The following GRB14 variants were observed in gnomAD, a reference collection of about 807,000 sequenced individuals.
GRB14 encodes the protein growth factor receptor-bound protein 14.
GRB14 carries 38 observed loss-of-function variants against 69.1 expected under a neutral mutation model. That is an observed-to-expected ratio of 0.55 (90% CI 0.42 to 0.72). GRB14 has a LOEUF of 0.72. Among genes scored for constraint, GRB14 ranks in the 30% least tolerant of loss-of-function variants. GRB14 has a pLI of 0.00. For synonymous variants in GRB14, 247 were observed against 241.3 expected (o/e 1.02, Z -0.22); for missense variants, 666 against 666.1 (o/e 1.00, Z 0.00).
At chr2:164,522,746 C>G (rs1018534274) in intron 5 of GRB14, among the ~76,000 whole-genome samples, 2 of 152,016 alleles carry the variant, frequency 1.3e-5, no homozygotes, top group Non-Finnish European at 2.9e-5. Context: ...CCAAAGAGGA[C>G]AGCAACAATG....
At chr2:164,508,354 G>A in intron 8 of GRB14, 101 bp downstream of exon 8, 1 of 841,552 alleles carries the variant, frequency 1.2e-6, no homozygotes, top group Non-Finnish European at 1.9e-6. Context: ...TCTTTCTCAT[G>A]TAGCCACCCA....
intron 2 of GRB14, among the ~76,000 whole-genome samples, chr2:164,594,847 A>C (rs1689746764): frequency 1.3e-5 from 2 of 152,242 alleles, no homozygotes; most frequent in African/African-American, 4.8e-5. Flanking sequence ...CATTTCAAGA[A>C]GAGGCAAAGA....
chr2:164,494,614 T>C, intron 12 of GRB14, 90 bp from the exon 13 acceptor site: 1 of 790,606 alleles, frequency 1.3e-6, no homozygotes, highest in East Asian at 2.4e-5. Context: ...AGTGTATGCA[T>C]AAATGTAGCT....
At chr2:164,535,904 G>A (rs575081251) in intron 3 of GRB14, among the ~76,000 whole-genome samples, 2 of 152,212 alleles carry the variant, frequency 1.3e-5, no homozygotes, top group South Asian at 2.1e-4. Context: ...AATTAACTCC[G>A]ACCCAACCAT....
At chr2:164,551,392 G>A (rs994149191) in intron 2 of GRB14, among the ~76,000 whole-genome samples, 1 of 152,166 alleles carries the variant, frequency 6.6e-6, no homozygotes, top group Non-Finnish European at 1.5e-5. Flanking sequence ...GGCCCACACA[G>A]AGTAAGTCAT....
intron 2 of GRB14, among the ~76,000 whole-genome samples, chr2:164,603,841 G>C (rs1234460147): frequency 1.3e-5 from 2 of 152,004 alleles, no homozygotes; most frequent in Non-Finnish European, 2.9e-5. Context: ...ACTGAGAAAA[G>C]ATAATTGCAA....
chr2:164,610,358 T>C (rs901860442), intron 2 of GRB14, among the ~76,000 whole-genome samples: 17 of 152,190 alleles, frequency 1.1e-4, no homozygotes, highest in African/African-American at 3.6e-4. Flanking sequence ...AGCAGTTCAC[T>C]GGGCACTCAC....
chr2:164,563,909 A>T (rs1159971816), intron 2 of GRB14, among the ~76,000 whole-genome samples: 1 of 152,238 alleles, frequency 6.6e-6, no homozygotes, highest in Admixed American at 6.5e-5. Flanking sequence ...TAAACAAGAT[A>T]GAGCAACTGA....
In GRB14 at chr2:164,494,507, T is replaced by C; in HGVS notation, c.1400A>G (p.Asp467Gly). 1.3e-6 allele frequency: 2 copies of C among 1,571,692 alleles called. No homozygotes were observed. Among genetic ancestry groups the C allele is most frequent in the Non-Finnish European group, 8.8e-7 (1 of 1,141,504 alleles). The change falls in exon 13 of 14, where the codon GAT (aspartate) becomes GGT (glycine). Residue 467 changes from aspartate to glycine, a missense_variant. Coordinates refer to ENST00000263915, the MANE Select transcript of GRB14 (RefSeq NM_004490.3). ...GLVDGVFLVR[D>G]SQSNPKTFVL... ...GAAAGTTTTGGGGTTACTCTGACTA[T>C]CCCGTACCAAGAAAACTCTAAAGAG... is the stretch of plus-strand genomic sequence containing the variant.
chr2:164,600,220 T>G (rs550057891), intron 2 of GRB14, among the ~76,000 whole-genome samples: 11 of 152,174 alleles, frequency 7.2e-5, no homozygotes, highest in Admixed American at 5.9e-4. Context: ...TTAGGAGTCA[T>G]AGAGAAAGGG....
At chr2:164,555,259 G>A (rs1688648780) in intron 2 of GRB14, among the ~76,000 whole-genome samples, 1 of 152,176 alleles carries the variant, frequency 6.6e-6, no homozygotes, top group African/African-American at 2.4e-5. Flanking sequence ...ATTCAGCATT[G>A]TCAATGGTCG....
intron 2 of GRB14, among the ~76,000 whole-genome samples, chr2:164,561,793 T>C (rs576593099): frequency 6.6e-6 from 1 of 152,322 alleles, no homozygotes; most frequent in East Asian, 1.9e-4. Context: ...TTAAAGTGAA[T>C]GTGTAATCAA....
intron 2 of GRB14, among the ~76,000 whole-genome samples, chr2:164,562,403 C>T (rs931164522): frequency 1.3e-5 from 2 of 152,022 alleles, no homozygotes; most frequent in African/African-American, 4.8e-5. Flanking sequence ...AATTAGAGAC[C>T]TTCTAAAGTT....
rs547258205 is a variant in GRB14 at position 164,544,094 on chromosome 2, G to A, written c.481+3566C>T. Among the ~76,000 whole-genome samples, 3 of 152,298 alleles carry A rather than the reference G, an allele frequency of 2.0e-5. No homozygotes were observed. In the East Asian group the frequency reaches 5.8e-4, roughly 29 times the overall value. ...TCTTTCTTATGAGCTTTGGTCTAAT[G>A]CATGGTTGATGAAGTCATGAGAATA... On this transcript the variant is annotated intron_variant, in intron 3 of 13. Transcript: ENST00000263915.
intron 2 of GRB14, among the ~76,000 whole-genome samples, chr2:164,550,671 A>G (rs1257171792): frequency 2.6e-5 from 4 of 152,172 alleles, no homozygotes; most frequent in African/African-American, 9.7e-5. Flanking sequence ...GGCTTTAGGC[A>G]TTACATGTCC....
chr2:164,614,909 G>C (rs758824886), intron 2 of GRB14, among the ~76,000 whole-genome samples: 1 of 152,090 alleles, frequency 6.6e-6, no homozygotes, highest in Non-Finnish European at 1.5e-5. Flanking sequence ...CTTATCCTTT[G>C]AAAGTCCGTG....
Position 164,492,632 on chromosome 2 carries a change from T to TA in GRB14, c.*403dup, listed in dbSNP as rs1446108546. On this transcript the variant is annotated 3_prime_UTR_variant, in exon 14 of 14. Coordinates refer to ENST00000263915, the MANE Select transcript of GRB14 (RefSeq NM_004490.3). ...AAGTTATTATCATATTTCTTAACAT[T>TA]AAAAAATAGTATAATTGAAATTTAG... Among the ~76,000 whole-genome samples the TA allele has an allele frequency of 6.6e-5, 10 of 152,116 alleles. No individual in the cohort carries two copies. Among genetic ancestry groups the TA allele is most frequent in the African/African-American group, 2.2e-4 (9 of 41,562 alleles).
At chr2:164,504,291 A>G (rs774649167) in intron 8 of GRB14, among the ~76,000 whole-genome samples, 2 of 152,158 alleles carry the variant, frequency 1.3e-5, no homozygotes, top group Admixed American at 1.3e-4. Context: ...TTTAGCCAAG[A>G]TAATATCTCC....
intron 2 of GRB14, chr2:164,574,200 C>A: frequency 1.7e-6 from 1 of 583,966 alleles, no homozygotes; most frequent in Non-Finnish European, 3.0e-6. Flanking sequence ...TTTTCCCCTC[C>A]ACTCTAACAG....
Sources: allele counts gnomAD v4.1 joint callset (sites outside exome capture counted in the v4.1 genomes callset), GRCh38; gene constraint gnomAD v4.1.1; transcripts MANE v1.5; gene names NCBI Gene and HGNC (gene_info 2026-07-23, HGNC 2026-07-21).